Variants in MSANTD2 observed in about 807,000 individuals in gnomAD.
MSANTD2 encodes the protein Myb/SANT DNA binding domain containing 2, also known as myb/SANT-like DNA-binding domain-containing protein 2.
In MSANTD2, 19 loss-of-function variants were observed where a neutral mutation model predicts 52.6. The observed-to-expected ratio is 0.36, with a 90% CI of 0.25 to 0.53. The LOEUF (loss-of-function observed/expected upper bound fraction) is 0.53. MSANTD2 is among the 20% of genes least tolerant of loss of function. The pLI, the probability that MSANTD2 is intolerant of heterozygous loss-of-function variation, is 0.91. For synonymous variants in MSANTD2, 291 were observed against 289.7 expected (o/e 1.00, Z -0.04); for missense variants, 558 against 716.3 (o/e 0.78, Z 2.52).
chr11:124,788,020 G>A (rs558958982), intron 1 of MSANTD2, among the ~76,000 whole-genome samples: 9 of 151,898 alleles, frequency 5.9e-5, no homozygotes, highest in African/African-American at 2.2e-4. Context: ...CCTGAGCCTG[G>A]GGAGGTTGAG....
rs776555593 is a variant in MSANTD2, at chr11:124,800,072, C to T, written c.309G>A (p.Ser103=). ...AAAAAACRGM[S]WTPAETNALI... ...GCGCGTTCGTCTCGGCTGGCGTCCA[C>T]GACATGCCCCGGCAGGCGGCGGCGG... Residue 103 remains serine (S), a synonymous_variant, in exon 1 of 4, where the codon TCG becomes TCA. Coordinates refer to ENST00000374979, the MANE Select transcript of MSANTD2 (RefSeq NM_001308027.2). This position sits in a 1 kb window ranked among gnomAD's most constrained non-coding sequence, Gnocchi z 4.3. 1.3e-6 allele frequency: 2 copies of T among 1,518,696 alleles called. No homozygotes were observed. The highest frequency in any genetic ancestry group is 5.3e-5 in the East Asian group (2 of 37,502). The allele number at this position is 1,518,696 out of a possible 1,614,324, so 94.1% of individuals were successfully genotyped here.
rs1944669048 is a variant in MSANTD2 at position 124,774,663 on chromosome 11, C to T, written c.766+56G>A. On this transcript the variant is annotated intron_variant, in intron 2 of 3. Transcript: ENST00000374979. This position sits in a 1 kb window ranked among gnomAD's most constrained non-coding sequence, Gnocchi z 5.1. The stretch of plus-strand genomic sequence containing the variant: ...CAGGTAATAAGTACTGGTGCACATA[C>T]ATAAAGGTATATAAATATACACAAA... The T allele has an allele frequency of 5.2e-6, 8 of 1,545,988 alleles. No homozygotes were observed. The East Asian group carries it at 9.0e-5, about 17-fold the overall frequency.
chr11:124,768,118 C>A lies in MSANTD2; in HGVS notation c.828-90G>T, dbSNP rs1040682031. On this transcript the variant is annotated intron_variant, in intron 3 of 3. Coordinates refer to ENST00000374979, the MANE Select transcript of MSANTD2 (RefSeq NM_001308027.2). ...CTGTGATGATGGAAATGTTCTGTATCTGCTGCCCAATATGGTGGCCACTAG... is the reference window on the plus strand; with the variant it reads ...CTGTGATGATGGAAATGTTCTGTATATGCTGCCCAATATGGTGGCCACTAG... 43 of 1,270,504 alleles carry A rather than the reference C, an allele frequency of 3.4e-5. 1 individual carries two copies. Among genetic ancestry groups the A allele is most frequent in the Admixed American group, 2.0e-4 (9 of 45,248 alleles). The allele number at this position is 1,270,504 out of a possible 1,614,324, so 78.7% of individuals were successfully genotyped here.
rs752576485 is a variant in MSANTD2, at chr11:124,774,784, T to A, written c.701A>T (p.Tyr234Phe). The change falls in exon 2 of 4, where the codon TAT (tyrosine) becomes TTT (phenylalanine). Residue 234 changes from tyrosine (Y) to phenylalanine (F), a missense_variant. By Grantham distance (22) the Tyr-to-Phe change is conservative. This residue lies in a region of MSANTD2 where 408 missense variants were observed against 573.6 expected (regional missense o/e 0.71). Transcript: ENST00000374979. This position sits in a 1 kb window ranked among gnomAD's most constrained non-coding sequence, Gnocchi z 5.1. Reference sequence around the variant, plus strand: ...GTGGTTTCCCCAGTCCTCCTGTGAATAGTCCTCCATAGTGCTGCCATCTGA... The same window carrying A: ...GTGGTTTCCCCAGTCCTCCTGTGAAAAGTCCTCCATAGTGCTGCCATCTGA... ...LESDGSTMED[Y>F]SQEDWGNHSQ... The A allele has an allele frequency of 6.2e-7, 1 of 1,614,228 alleles. No individual in the cohort carries two copies.
intron 1 of MSANTD2, among the ~76,000 whole-genome samples, chr11:124,788,334 A>G (rs1030228164): frequency 2.6e-5 from 4 of 152,152 alleles, no homozygotes; most frequent in African/African-American, 9.7e-5. Context: ...ACAAAATAAA[A>G]AGCATGTAGA....
chr11:124,768,867 AT>A (rs552829614), intron 3 of MSANTD2, among the ~76,000 whole-genome samples: 15 of 152,314 alleles, frequency 9.8e-5, no homozygotes, highest in African/African-American at 3.6e-4. Flanking sequence ...TGGAATTTTT[AT>A]TTCACGGGCT....
rs1944343277 is a variant in MSANTD2 at position 124,767,488 on chromosome 11, G to A, written c.1368C>T (p.Thr456=). 6.2e-7 allele frequency: 1 copy of A among 1,614,188 alleles called. No individual in the cohort carries two copies. Residue 456 remains threonine, a synonymous_variant, in exon 4 of 4, where the codon ACC becomes ACT. Transcript: ENST00000374979. The surrounding 1 kb of genome is among the most constrained non-coding windows in gnomAD (Gnocchi z 6.5). ...CCTGTAATGAGGCTTGTGCTGAAAGGGTTTCCAGGTCAACCCGGCCCTCTT... is the reference window on the plus strand; with the variant it reads ...CCTGTAATGAGGCTTGTGCTGAAAGAGTTTCCAGGTCAACCCGGCCCTCTT... ...PGKEGRVDLE[T]LSAQASLQVE...
chr11:124,780,922 C>T lies in MSANTD2; in HGVS notation c.511-5948G>A, dbSNP rs1218866331. Among the ~76,000 whole-genome samples, 3 of 152,202 alleles carry T rather than the reference C, an allele frequency of 2.0e-5. No individual in the cohort carries two copies. In the East Asian group the frequency reaches 5.8e-4, roughly 29 times the overall value. ...CAAGGGCCGGGTGCGGTGGCTCATG[C>T]CTGTAATCCCAGCACTTTGGGAGGC... On this transcript the variant is annotated intron_variant, in intron 1 of 3. Coordinates refer to ENST00000374979, the MANE Select transcript of MSANTD2 (RefSeq NM_001308027.2).
rs1378280289 is a variant in MSANTD2, at chr11:124,767,958, T to C, written c.898A>G (p.Ser300Gly). ...TGGAGCCTTGAAAAGTCTGTCCAGC[T>C]CTGAAAAAGTTCCCATTTCAACTGT... Reference protein sequence around the residue: ...SVQLKWELFQSWTDFSRLHLS... With the variant: ...SVQLKWELFQGWTDFSRLHLS... The change falls in exon 4 of 4, where the codon AGC becomes GGC. Residue 300 changes from serine to glycine, a missense_variant. By Grantham distance (56) the Ser-to-Gly change is moderately conservative. Around this residue, in one of 2 missense-constraint regions of MSANTD2, gnomAD observed 408 missense variants for 573.6 expected, o/e 0.71. Coordinates refer to ENST00000374979, the MANE Select transcript of MSANTD2 (RefSeq NM_001308027.2). The surrounding 1 kb of genome is among the most constrained non-coding windows in gnomAD (Gnocchi z 6.5). 3 of 1,614,168 alleles carry C rather than the reference T, an allele frequency of 1.9e-6. No homozygotes were observed. Among genetic ancestry groups the C allele is most frequent in the Non-Finnish European group, 2.5e-6 (3 of 1,179,996 alleles).
intron 1 of MSANTD2, chr11:124,791,300 G>A: frequency 6.9e-7 from 1 of 1,443,874 alleles, no homozygotes; most frequent in Non-Finnish European, 9.7e-7. Context: ...AACTGTCCCT[G>A]TGGCTGGAGG....
chr11:124,793,856 CAAG>C (rs1945411041), intron 1 of MSANTD2, among the ~76,000 whole-genome samples: 1 of 151,804 alleles, frequency 6.6e-6, no homozygotes, highest in African/African-American at 2.4e-5. Flanking sequence ...ACAGAAAGGT[CAAG>C]AAGGAACTTT....
At position 124,799,880 on chromosome 11, in the gene MSANTD2, C is replaced by T; in HGVS notation, c.501G>A (p.Glu167=). The change falls in exon 1 of 4, where the codon GAG becomes GAA. Residue 167 remains glutamate, a synonymous_variant. Coordinates refer to ENST00000374979, the MANE Select transcript of MSANTD2 (RefSeq NM_001308027.2). ...CCGGGCGGCCGGTTACCTTGATGCG[C>T]TCCCGGCACTGGGACGGGGTCCGCT... ...GYERTPSQCR[E]RIKTLRRCYS... 1 of 1,579,388 alleles carries T rather than the reference C, an allele frequency of 6.3e-7. No homozygotes were observed. The highest frequency in any genetic ancestry group is 8.5e-7 in the Non-Finnish European group (1 of 1,171,198).
chr11:124,793,526 A>C (rs968765006), intron 1 of MSANTD2, among the ~76,000 whole-genome samples: 4 of 152,248 alleles, frequency 2.6e-5, no homozygotes, highest in Non-Finnish European at 5.9e-5. Context: ...CCAACAAAAC[A>C]GTCACTAGCC....
intron 1 of MSANTD2, chr11:124,784,218 A>AC: frequency 1.0e-6 from 1 of 985,000 alleles, no homozygotes; most frequent in Non-Finnish European, 1.2e-6. Context: ...TTTTCATTTG[A>AC]CCTCCTACAT....
At position 124,774,621 on chromosome 11, in the gene MSANTD2, A is replaced by T; in HGVS notation, c.766+98T>A. ...CCTTATGCTGACCACTATAGGGAAC[A>T]GTACCAAAGATATTTACAGGTAATA... On this transcript the variant is annotated intron_variant, in intron 2 of 3. Transcript: ENST00000374979. This position sits in a 1 kb window ranked among gnomAD's most constrained non-coding sequence, Gnocchi z 5.1. 3 of 1,244,474 alleles carry T rather than the reference A, an allele frequency of 2.4e-6. No individual in the cohort carries two copies. In the South Asian group the frequency reaches 4.1e-5, roughly 17 times the overall value. 77.1% of individuals were successfully genotyped at this position (1,244,474 alleles called of 1,614,324 possible). A position where few individuals can be genotyped will look rare whatever the true frequency, so the allele number is the denominator to read the frequency against.
rs1268662121 is a variant in MSANTD2 at position 124,767,551 on chromosome 11, G to A, written c.1305C>T (p.Leu435=). The change falls in exon 4 of 4, where the codon CTC becomes CTT. Residue 435 remains leucine, a synonymous_variant. Transcript: ENST00000374979. This position sits in a 1 kb window ranked among gnomAD's most constrained non-coding sequence, Gnocchi z 6.5. ...GGGAACTTTGCTCCATGTGTGGTGAGAGGGGCCTCTCAATACATTCTTCAT... is the reference window on the plus strand; with the variant it reads ...GGGAACTTTGCTCCATGTGTGGTGAAAGGGGCCTCTCAATACATTCTTCAT... The part of the protein sequence containing the change: ...IGYEECIERP[L]SPHMEQSSLD... 1.9e-6 allele frequency: 3 copies of A among 1,614,192 alleles called. No homozygotes were observed. The highest frequency in any genetic ancestry group is 1.1e-5 in the South Asian group (1 of 91,082).
intron 1 of MSANTD2, among the ~76,000 whole-genome samples, chr11:124,781,944 C>T (rs1267838127): frequency 6.6e-6 from 1 of 152,170 alleles, no homozygotes; most frequent in South Asian, 2.1e-4. Flanking sequence ...TGAGCCACCA[C>T]GCCTGGCCAA....
rs1944607750 is a variant in MSANTD2, at chr11:124,773,250, C to G, written c.767-196G>C. The G allele has an allele frequency of 7.2e-6, 3 of 415,790 alleles. No individual in the cohort carries two copies. In the East Asian group the frequency reaches 1.3e-4, roughly 17 times the overall value. The allele number at this position is 415,790 out of a possible 1,614,324, so 25.8% of individuals were successfully genotyped here. A position where few individuals can be genotyped will look rare whatever the true frequency, so the allele number is the denominator to read the frequency against. On this transcript the variant is annotated intron_variant, in intron 2 of 3. Transcript: ENST00000374979. Reference sequence around the variant, plus strand: ...AGATGCATACATTTATATGTAACATCAGAAACCAGCTCTACAAGTATAAAA... The same window carrying G: ...AGATGCATACATTTATATGTAACATGAGAAACCAGCTCTACAAGTATAAAA...
intron 1 of MSANTD2, among the ~76,000 whole-genome samples, chr11:124,786,797 T>C (rs1427832885): frequency 6.6e-6 from 1 of 152,254 alleles, no homozygotes; most frequent in Non-Finnish European, 1.5e-5. Flanking sequence ...TGGGTGTTAC[T>C]ATATGATTTT....
Sources: gnomAD v4.1 joint callset for allele counts (sites outside exome capture counted in the v4.1 genomes callset) on GRCh38, gnomAD v4.1.1 for gene constraint, gnomAD v4.1.1 regional missense constraint, Gnocchi (gnomAD v3.1) non-coding constraint, MANE v1.5 for transcripts, NCBI Gene and HGNC (gene_info 2026-07-23, HGNC 2026-07-21) for gene names.